Variants in CDIN1 observed in about 807,000 individuals in gnomAD.
CDIN1 encodes CDAN1 interacting nuclease 1, also known as CDAN1-interacting nuclease 1.
Under a neutral mutation model 45.3 loss-of-function variants are expected in CDIN1, and 33 were observed. The observed-to-expected ratio is 0.73, with a 90% CI of 0.55 to 0.97. CDIN1 has a LOEUF of 0.97. Ranked by LOEUF, CDIN1 falls within the 50% of genes least tolerant of loss-of-function variation. The pLI, the probability that CDIN1 is intolerant of heterozygous loss-of-function variation, is 0.00. For synonymous variants in CDIN1, 118 were observed against 124.4 expected (o/e 0.95, Z 0.34); for missense variants, 303 against 339.4 (o/e 0.89, Z 0.84).
intron 10 of CDIN1, among the ~76,000 whole-genome samples, chr15:36,775,399 C>T (rs1595583815): frequency 6.6e-6 from 1 of 152,268 alleles, no homozygotes; most frequent in African/African-American, 2.4e-5. Context: ...CGGCTGTTAA[C>T]CAGAATTCTC....
At chr15:36,801,562 C>T (rs2055048740) in intron 10 of CDIN1, among the ~76,000 whole-genome samples, 1 of 152,186 alleles carries the variant, frequency 6.6e-6, no homozygotes, top group African/African-American at 2.4e-5. Flanking sequence ...CCGTTGCTTC[C>T]CTCAGTTTTC....
At chr15:36,622,105 G>A (rs765609401) in intron 1 of CDIN1, among the ~76,000 whole-genome samples, 4 of 152,180 alleles carry the variant, frequency 2.6e-5, no homozygotes, top group Non-Finnish European at 5.9e-5. Flanking sequence ...ACTTTTCAAA[G>A]TAAAGTGTTT....
chr15:36,634,051 C>A (rs2039794379), intron 1 of CDIN1, among the ~76,000 whole-genome samples: 1 of 152,134 alleles, frequency 6.6e-6, no homozygotes, highest in African/African-American at 2.4e-5. Flanking sequence ...CATGCCCAAC[C>A]CACCCATGAT....
chr15:36,666,863 T>C (rs541856749), intron 5 of CDIN1, among the ~76,000 whole-genome samples: 4 of 152,374 alleles, frequency 2.6e-5, no homozygotes, highest in East Asian at 1.9e-4. Context: ...TGACACTTAA[T>C]ATGCACATAT....
intron 10 of CDIN1, among the ~76,000 whole-genome samples, chr15:36,758,034 G>A (rs1352952626): frequency 6.6e-6 from 1 of 151,634 alleles, no homozygotes; most frequent in Non-Finnish European, 1.5e-5. Context: ...GTATGTATAG[G>A]AAAAAACATA....
chr15:36,731,873 A>G (rs2043845239), intron 10 of CDIN1, among the ~76,000 whole-genome samples: 2 of 152,188 alleles, frequency 1.3e-5, no homozygotes, highest in African/African-American at 4.8e-5. Flanking sequence ...TATACATTCT[A>G]AGGAAGATAT....
At chr15:36,642,604 A>ACT (rs2040154155) in intron 1 of CDIN1, among the ~76,000 whole-genome samples, 1 of 152,072 alleles carries the variant, frequency 6.6e-6, no homozygotes, top group African/African-American at 2.4e-5. Context: ...CTTATACAGT[A>ACT]CTCTCAACTC....
chr15:36,763,126 C>G (rs947645759), intron 10 of CDIN1, among the ~76,000 whole-genome samples: 12 of 152,324 alleles, frequency 7.9e-5, no homozygotes, highest in African/African-American at 2.9e-4. Context: ...AAAAGTATTC[C>G]TATTTCTCCA....
At position 36,626,588 on chromosome 15, in the gene CDIN1, A is replaced by C; in HGVS notation, c.102-17690A>C. 1.1e-5 allele frequency: 3 copies of C among 266,128 alleles called. No individual in the cohort carries two copies. The South Asian group carries it at 1.2e-4, about 11-fold the overall frequency. 16.5% of individuals were successfully genotyped at this position (266,128 alleles called of 1,614,324 possible). A position where few individuals can be genotyped will look rare whatever the true frequency, so the allele number is the denominator to read the frequency against. On this transcript the variant is annotated intron_variant, in intron 1 of 10. Coordinates refer to ENST00000566621, the MANE Select transcript of CDIN1 (RefSeq NM_001321759.2). Reference sequence around the variant, plus strand: ...CCTGTTTTGGCGACTAATAGCAAGCAATATGCTTGGATAAGGGGTCCAACT... The same window carrying C: ...CCTGTTTTGGCGACTAATAGCAAGCCATATGCTTGGATAAGGGGTCCAACT...
chr15:36,680,045 A>C (rs1051778821), intron 5 of CDIN1, among the ~76,000 whole-genome samples: 3 of 152,228 alleles, frequency 2.0e-5, no homozygotes, highest in African/African-American at 7.2e-5. Context: ...ACATCCACAG[A>C]AACAAGTTGT....
intron 10 of CDIN1, among the ~76,000 whole-genome samples, chr15:36,793,869 G>A (rs74008787): frequency 2.0e-5 from 3 of 151,924 alleles, no homozygotes; most frequent in Non-Finnish European, 4.4e-5. Context: ...ATGCTTTTCC[G>A]TGTTCTTTTT....
At chr15:36,694,025 A>G (rs1323032978) in intron 7 of CDIN1, among the ~76,000 whole-genome samples, 1 of 152,180 alleles carries the variant, frequency 6.6e-6, no homozygotes, top group East Asian at 1.9e-4. Context: ...CAGTTTCATT[A>G]TGTCTGTTGC....
intron 1 of CDIN1, among the ~76,000 whole-genome samples, chr15:36,619,784 C>T (rs2039080877): frequency 6.6e-6 from 1 of 152,026 alleles, no homozygotes; most frequent in South Asian, 2.1e-4. Flanking sequence ...GATTATATGG[C>T]CTTGTATTGC....
At chr15:36,750,917 A>G (rs928861224) in intron 10 of CDIN1, among the ~76,000 whole-genome samples, 1 of 152,110 alleles carries the variant, frequency 6.6e-6, no homozygotes, top group Admixed American at 6.5e-5. Flanking sequence ...ACTCAGAGGT[A>G]AAAAAGCAAA....
At chr15:36,656,261 A>T (rs2040777309) in intron 4 of CDIN1, among the ~76,000 whole-genome samples, 1 of 152,158 alleles carries the variant, frequency 6.6e-6, no homozygotes, top group South Asian at 2.1e-4. Context: ...TTATTTAATC[A>T]GGGGAAACTA....
chr15:36,617,705 T>G, intron 1 of CDIN1: 1 of 778,160 alleles, frequency 1.3e-6, no homozygotes, highest in South Asian at 1.3e-5. Flanking sequence ...TTAGAGAGAT[T>G]CCTGAAACAA....
chr15:36,709,118 A>C (rs1055628038), intron 8 of CDIN1, 105 bp from the exon 9 acceptor site: 13 of 888,046 alleles, frequency 1.5e-5, no homozygotes, highest in Non-Finnish European at 2.1e-5. Flanking sequence ...GATATGTATG[A>C]CTACAGTAGT....
At chr15:36,788,977 G>A (rs1273192515) in intron 10 of CDIN1, among the ~76,000 whole-genome samples, 1 of 152,148 alleles carries the variant, frequency 6.6e-6, no homozygotes, top group Non-Finnish European at 1.5e-5. Flanking sequence ...AAAGCATAAA[G>A]TACCATACAA....
At chr15:36,617,733 A>G in intron 1 of CDIN1, 1 of 798,342 alleles carries the variant, frequency 1.3e-6, no homozygotes, top group Non-Finnish European at 2.3e-6. Context: ...AGAGGAAGTG[A>G]AAGCTTTGTT....
Sources: allele counts gnomAD v4.1 joint callset (sites outside exome capture counted in the v4.1 genomes callset), GRCh38; gene constraint gnomAD v4.1.1; transcripts MANE v1.5; gene names NCBI Gene and HGNC (gene_info 2026-07-23, HGNC 2026-07-21).